Variants in BECN1 observed in about 807,000 individuals in gnomAD.
The protein encoded by BECN1 is beclin 1.
Under a neutral mutation model 60.1 loss-of-function variants are expected in BECN1, and 15 were observed. The observed-to-expected ratio is 0.25, with a 90% CI of 0.17 to 0.38. The LOEUF (loss-of-function observed/expected upper bound fraction) is 0.38. Ranked by LOEUF, BECN1 falls within the 10% of genes least tolerant of loss-of-function variation. The probability of loss-of-function intolerance (pLI) is 1.00; values close to 1 mark genes in which losing one functional copy is unlikely to be tolerated. For synonymous variants in BECN1, 179 were observed against 201.8 expected, an observed-to-expected ratio of 0.89 and a Z score of 0.96; for missense variants, 424 against 548.2, an observed-to-expected ratio of 0.77 and a Z score of 2.26.
At chr17:42,811,431 C>T (rs1652035573) in intron 11 of BECN1, 3 of 452,516 alleles carry the variant, frequency 6.6e-6, no homozygotes, top group Non-Finnish European at 1.1e-5. Flanking sequence ...CCAAGAAAAC[C>T]CCCTAAACCA....
chr17:42,821,122 C>A (rs187559160), intron 2 of BECN1, among the ~76,000 whole-genome samples: 1 of 152,166 alleles, frequency 6.6e-6, no homozygotes, highest in African/African-American at 2.4e-5. Context: ...TGCAGTGGCA[C>A]GATCTCGGCT....
intron 8 of BECN1, among the ~76,000 whole-genome samples, chr17:42,815,390 T>A (rs1044442101): frequency 6.6e-6 from 1 of 152,128 alleles, no homozygotes; most frequent in Non-Finnish European, 1.5e-5. Flanking sequence ...AAGTCCCCTA[T>A]GGGGAAACTC....
intron 7 of BECN1, among the ~76,000 whole-genome samples, chr17:42,817,519 G>A (rs2055172133): frequency 6.6e-6 from 1 of 152,144 alleles, no homozygotes; most frequent in African/African-American, 2.4e-5. Context: ...TAGAGAGAGG[G>A]TTCTCTCAGG....
chr17:42,813,966 A>T lies in BECN1; in HGVS notation c.1023T>A (p.Ser341=). ...VPYGNHSYLE[S]LTDKSKELPL... is the part of the protein sequence containing the mutation. ...AGAGTACCTTAGATTTGTCTGTCAG[A>T]GACTCCAGATATGAATGGTTTCCGT... is the stretch of plus-strand genomic sequence containing the variant. Residue 341 remains serine (S), a synonymous_variant, in exon 10 of 12, where the codon TCT becomes TCA. Transcript: ENST00000590099. 2 of 1,604,166 alleles carry T rather than the reference A, an allele frequency of 1.2e-6. No homozygotes were observed. Among genetic ancestry groups the T allele is most frequent in the Non-Finnish European group, 1.7e-6 (2 of 1,173,096 alleles).
intron 7 of BECN1, among the ~76,000 whole-genome samples, chr17:42,816,438 G>C (rs1261809931): frequency 6.6e-6 from 1 of 151,704 alleles, no homozygotes; most frequent in Non-Finnish European, 1.5e-5. Flanking sequence ...GATAACTTGA[G>C]GTCAGGAGTT....
chr17:42,818,745 C>T (rs765151610), intron 5 of BECN1, 42 bp downstream of exon 5: 120 of 1,613,782 alleles, frequency 7.4e-5, no homozygotes, highest in Non-Finnish European at 7.6e-6. Context: ...CCCACTCTCC[C>T]AGCCAGGCCT....
rs1385853764 is a variant in BECN1, at chr17:42,818,261, C to A, written c.643G>T (p.Val215Phe). The change falls in exon 7 of 12, where the codon GTC (valine) becomes TTC (phenylalanine). Residue 215 changes from valine to phenylalanine, a missense_variant. By Grantham distance (50) the Val-to-Phe change is conservative (BLOSUM62 -1). Transcript: ENST00000590099. ...TCCAGTCTCTCAGCCTCAGCCTGGA[C>A]CTTCTCGAGATTTTCTGCCACTATC... Reference protein sequence around the residue: ...RKIVAENLEKVQAEAERLDQE... With the variant: ...RKIVAENLEKFQAEAERLDQE... The A allele has an allele frequency of 6.2e-7, 1 of 1,614,226 alleles. No homozygotes were observed. Among genetic ancestry groups the A allele is most frequent in the Admixed American group, 1.7e-5 (1 of 60,020 alleles).
At chr17:42,814,155 C>A in intron 9 of BECN1, 147 bp from the exon 10 acceptor site, 1 of 559,144 alleles carries the variant, frequency 1.8e-6, no homozygotes, top group Non-Finnish European at 3.1e-6. Flanking sequence ...CCATTGAATC[C>A]ATGTTTAAAA....
At chr17:42,823,566 G>C (rs1430328077) in intron 2 of BECN1, 182 bp downstream of exon 2, 3 of 916,368 alleles carry the variant, frequency 3.3e-6, no homozygotes, top group Admixed American at 6.6e-5. Flanking sequence ...AAAGCTCTCA[G>C]AAGTCCACAA....
Position 42,818,420 on chromosome 17 carries a change from CAA to C in BECN1, c.489-7_489-6del, listed in dbSNP as rs2055190122. 29 of 1,613,978 alleles carry C rather than the reference CAA, an allele frequency of 1.8e-5. No homozygotes were observed. Among genetic ancestry groups the C allele is most frequent in the Non-Finnish European group, 2.5e-5 (29 of 1,179,914 alleles). On this transcript the variant is annotated splice_polypyrimidine_tract_variant and splice_region_variant and intron_variant, in intron 6 of 11. Coordinates refer to ENST00000590099, the MANE Select transcript of BECN1 (RefSeq NM_001313998.2). ...TCTAAGATCTCCAAACAGCGTCTGCCAAAGACACAGGCAGACTATACTTACTA... is the reference window on the plus strand; with the variant it reads ...TCTAAGATCTCCAAACAGCGTCTGCCAGACACAGGCAGACTATACTTACTA...
Position 42,818,700 on chromosome 17 carries a change from A to G in BECN1, c.352-20T>C, listed in dbSNP as rs199803191. ...AGTGACCTGGAAGTGTGGGAGAGTCAGGGTAGGGCCTCCCCCATGCTTCCT... is the reference window on the plus strand; with the variant it reads ...AGTGACCTGGAAGTGTGGGAGAGTCGGGGTAGGGCCTCCCCCATGCTTCCT... On this transcript the variant is annotated intron_variant, in intron 5 of 11. Coordinates refer to ENST00000590099, the MANE Select transcript of BECN1 (RefSeq NM_001313998.2). The G allele has an allele frequency of 8.4e-4, 1,359 of 1,614,128 alleles. No homozygotes were observed. Among genetic ancestry groups the G allele is most frequent in the Non-Finnish European group, 1.0e-3 (1,227 of 1,179,992 alleles).
Position 42,814,562 on chromosome 17 carries a change from G to C in BECN1, c.942C>G (p.Leu314=). 6.2e-7 allele frequency: 1 copy of C among 1,614,164 alleles called. No homozygotes were observed. The highest frequency in any genetic ancestry group is 8.5e-7 in the Non-Finnish European group (1 of 1,180,024). ...GACCCATCTTATTGGCCAGAGCATG[G>C]AGCAGCAACACAGTCTGGCCCCAAG... ...NAAWGQTVLL[L]HALANKMGLK... is the part of the protein sequence containing the mutation. Residue 314 remains leucine, a synonymous_variant, in exon 9 of 12, where the codon CTC becomes CTG. Coordinates refer to ENST00000590099, the MANE Select transcript of BECN1 (RefSeq NM_001313998.2).
In BECN1 at chr17:42,818,650, C is replaced by T. The variant is rs2055195993; in HGVS notation, c.382G>A (p.Gly128Ser). ...AGTGGGTGATCCACATCTGTCTGGCCCGACATGATGTCAAAAAGGTCCCCA... is the reference window on the plus strand; with the variant it reads ...AGTGGGTGATCCACATCTGTCTGGCTCGACATGATGTCAAAAAGGTCCCCA... Reference protein sequence around the residue: ...VTGDLFDIMSGQTDVDHPLCE... With the variant: ...VTGDLFDIMSSQTDVDHPLCE... Residue 128 changes from glycine (G) to serine (S), a missense_variant, in exon 6 of 12, where the codon GGC (glycine) becomes AGC (serine). Transcript: ENST00000590099. 1 of 1,614,044 alleles carries T rather than the reference C, an allele frequency of 6.2e-7. No homozygotes were observed. The highest frequency in any genetic ancestry group is 8.5e-7 in the Non-Finnish European group (1 of 1,180,038).
chr17:42,822,388 A>G (rs1255183867), intron 2 of BECN1, among the ~76,000 whole-genome samples: 1 of 152,202 alleles, frequency 6.6e-6, no homozygotes, highest in Non-Finnish European at 1.5e-5. Flanking sequence ...ATCAGAAACC[A>G]AGGCTTGGAG....
intron 3 of BECN1, chr17:42,820,407 T>C (rs9891429): frequency 0.089 from 17,585 of 197,050 alleles, 2,700 homozygotes; most frequent in African/African-American, 0.34. Flanking sequence ...TGGAAAGGAG[T>C]GGATATTAAC....
chr17:42,822,022 T>C (rs972977610), intron 2 of BECN1, among the ~76,000 whole-genome samples: 8 of 152,050 alleles, frequency 5.3e-5, no homozygotes, highest in African/African-American at 9.7e-5. Context: ...CTGGCCAACA[T>C]AGTGAAACCG....
chr17:42,811,441 A>G, intron 11 of BECN1: 1 of 496,472 alleles, frequency 2.0e-6, no homozygotes, highest in Non-Finnish European at 3.3e-6. Flanking sequence ...CCCCTAAACC[A>G]TCTAAGGCAA....
intron 9 of BECN1, 78 bp downstream of exon 9, chr17:42,814,446 G>T: frequency 6.4e-7 from 1 of 1,573,004 alleles, no homozygotes; most frequent in South Asian, 1.2e-5. Context: ...CTCCTGACAT[G>T]GTGGACAGCA....
intron 3 of BECN1, among the ~76,000 whole-genome samples, 182 bp from the exon 4 acceptor site, chr17:42,819,791 C>T (rs1308919229): frequency 6.6e-6 from 1 of 151,936 alleles, no homozygotes; most frequent in Non-Finnish European, 1.5e-5. Context: ...AAAGGACCCA[C>T]GATACAGACA....
Sources: allele counts gnomAD v4.1 joint callset (sites outside exome capture counted in the v4.1 genomes callset), GRCh38; gene constraint gnomAD v4.1.1; transcripts MANE v1.5; gene names NCBI Gene and HGNC (gene_info 2026-07-23, HGNC 2026-07-21).